Variants in STK40 observed in about 807,000 individuals in gnomAD.
STK40 encodes the protein serine/threonine-protein kinase 40.
STK40 carries 13 observed loss-of-function variants against 47.9 expected under a neutral mutation model. The observed-to-expected ratio is 0.27, with a 90% confidence interval of 0.18 to 0.43. STK40 has a LOEUF of 0.43. STK40 is among the 20% of genes least tolerant of loss of function. STK40 has a pLI of 1.00. For synonymous variants in STK40, 225 were observed against 243.2 expected (o/e 0.93, Z 0.69); for missense variants, 460 against 595.1 (o/e 0.77, Z 2.36).
At chr1:36,348,590 G>A (rs1471856265) in intron 7 of STK40, 110 bp downstream of exon 7, 13 of 936,382 alleles carry the variant, frequency 1.4e-5, no homozygotes, top group Admixed American at 2.0e-5. Flanking sequence ...TGGGCCCCCA[G>A]TGAAGCCCCA....
chr1:36,347,704 G>A (rs1282725872), intron 7 of STK40, among the ~76,000 whole-genome samples: 2 of 150,846 alleles, frequency 1.3e-5, no homozygotes, highest in African/African-American at 2.4e-5. Flanking sequence ...CCAGGCTGGA[G>A]TGCAGTGGCA....
At chr1:36,375,179 T>G (rs768897616) in intron 1 of STK40, among the ~76,000 whole-genome samples, 2 of 152,120 alleles carry the variant, frequency 1.3e-5, no homozygotes, top group Non-Finnish European at 2.9e-5. Context: ...CAGGGCCCAG[T>G]ACATAGGAGG....
rs528832191 is a variant in STK40 at position 36,354,286 on chromosome 1, C to T, written c.623+78G>A. 118 of 1,509,592 alleles carry T rather than the reference C, an allele frequency of 7.8e-5. 2 individuals carry two copies. In the South Asian group the frequency reaches 1.3e-3, roughly 16 times the overall value. 93.5% of individuals were successfully genotyped at this position (1,509,592 alleles called of 1,614,324 possible). A position where few individuals can be genotyped will look rare whatever the true frequency, so the allele number is the denominator to read the frequency against. ...AGTCGGAATCCTCATGAGGACACTT[C>T]AGGGCACTGGAGAGTTGCAATGTGT... On this transcript the variant is annotated intron_variant, in intron 6 of 10. Coordinates refer to ENST00000373132, the MANE Select transcript of STK40 (RefSeq NM_001282547.2).
intron 7 of STK40, among the ~76,000 whole-genome samples, chr1:36,348,481 G>C (rs1032509187): frequency 6.6e-6 from 1 of 152,166 alleles, no homozygotes; most frequent in African/African-American, 2.4e-5. Flanking sequence ...TTCCTCCCTA[G>C]CACTAACCTC....
chr1:36,348,597 C>A, intron 7 of STK40, 103 bp downstream of exon 7: 1 of 1,044,872 alleles, frequency 9.6e-7, no homozygotes, highest in Non-Finnish European at 1.4e-6. Flanking sequence ...CCAGTGAAGC[C>A]CCAGCACCTT....
intron 1 of STK40, among the ~76,000 whole-genome samples, chr1:36,378,959 G>A (rs948789061): frequency 6.6e-6 from 1 of 152,166 alleles, no homozygotes; most frequent in African/African-American, 2.4e-5. Context: ...GGAATGCTGG[G>A]CTACACCAGG....
intron 2 of STK40, among the ~76,000 whole-genome samples, chr1:36,360,348 T>C (rs888636707): frequency 6.6e-6 from 1 of 152,188 alleles, no homozygotes; most frequent in African/African-American, 2.4e-5. Flanking sequence ...TTATGCATCA[T>C]GCAGAAATGC....
intron 1 of STK40, among the ~76,000 whole-genome samples, chr1:36,375,772 G>A (rs1646987132): frequency 6.6e-6 from 1 of 152,122 alleles, no homozygotes; most frequent in Non-Finnish European, 1.5e-5. Flanking sequence ...TGTAATCCCA[G>A]CACTTTGGGA....
At chr1:36,357,652 T>C (rs1182700203) in intron 4 of STK40, among the ~76,000 whole-genome samples, 2 of 152,196 alleles carry the variant, frequency 1.3e-5, no homozygotes, top group Non-Finnish European at 2.9e-5. Flanking sequence ...AGTCTCGCTC[T>C]GTCACCCAGG....
intron 1 of STK40, among the ~76,000 whole-genome samples, chr1:36,377,663 T>C (rs1254402362): frequency 1.3e-5 from 2 of 151,870 alleles, no homozygotes; most frequent in African/African-American, 4.8e-5. Flanking sequence ...TGAGCTTGTG[T>C]GCCAATGCAA....
intron 10 of STK40, 38 bp from the exon 11 acceptor site, chr1:36,342,011 A>C: frequency 6.4e-7 from 1 of 1,566,836 alleles, no homozygotes; most frequent in African/African-American, 1.4e-5. Flanking sequence ...ACAAAGATAA[A>C]CCCAGATGAA....
chr1:36,341,664 G>A lies in STK40; in HGVS notation c.*91C>T. 2 of 1,497,952 alleles carry A rather than the reference G, an allele frequency of 1.3e-6. No homozygotes were observed. 92.8% of individuals were successfully genotyped at this position (1,497,952 alleles called of 1,614,324 possible). On this transcript the variant is annotated 3_prime_UTR_variant, in exon 11 of 11. Coordinates refer to ENST00000373132, the MANE Select transcript of STK40 (RefSeq NM_001282547.2). ...CCTGTCCCTATTGTGGCCCGGGAGA[G>A]TCCAGCACTACAGGGCCCAGCCCTG...
At chr1:36,345,977 A>ATATATG (rs1180015235) in intron 7 of STK40, among the ~76,000 whole-genome samples, 1 of 10,322 alleles carries the variant, frequency 9.7e-5, no homozygotes, top group African/African-American at 2.0e-4. Flanking sequence ...ACATATATAT[A>ATATATG]TATATATATA....
chr1:36,343,551 G>C (rs1283784122), intron 9 of STK40, 103 bp from the exon 10 acceptor site: 3 of 1,148,908 alleles, frequency 2.6e-6, no homozygotes, highest in Admixed American at 4.9e-5. Context: ...CCTGCCATGA[G>C]AGACTGCTTC....
chr1:36,346,120 G>C (rs1256493507), intron 7 of STK40, among the ~76,000 whole-genome samples: 1 of 148,638 alleles, frequency 6.7e-6, no homozygotes, highest in African/African-American at 2.5e-5. Context: ...TCAGCCTCCC[G>C]AGTAGCTGGG....
intron 10 of STK40, 40 bp downstream of exon 10, chr1:36,343,324 T>G (rs894385685): frequency 3.8e-6 from 6 of 1,594,658 alleles, no homozygotes; most frequent in Non-Finnish European, 5.1e-6. Flanking sequence ...AGCCTGTCCC[T>G]TGGGGCTGGG....
chr1:36,360,681 A>G (rs1262731170), intron 2 of STK40, among the ~76,000 whole-genome samples: 2 of 152,106 alleles, frequency 1.3e-5, no homozygotes, highest in Admixed American at 6.6e-5. Context: ...GACTACAGGC[A>G]TGTGACACCA....
intron 2 of STK40, among the ~76,000 whole-genome samples, chr1:36,359,673 C>G (rs186399885): frequency 9.2e-5 from 14 of 152,370 alleles, no homozygotes; most frequent in African/African-American, 2.6e-4. Flanking sequence ...CGAAGCTCCG[C>G]TGCTCTTGGT....
At chr1:36,348,904 A>C (rs2124728686) in intron 6 of STK40, 89 bp from the exon 7 acceptor site, 1 of 1,112,012 alleles carries the variant, frequency 9.0e-7, no homozygotes, top group Non-Finnish European at 1.3e-6. Context: ...CTGGGCCAAC[A>C]CCCAATCCTG....
Sources: gnomAD v4.1 joint callset for allele counts (sites outside exome capture counted in the v4.1 genomes callset) on GRCh38, gnomAD v4.1.1 for gene constraint, MANE v1.5 for transcripts, NCBI Gene and HGNC (gene_info 2026-07-23, HGNC 2026-07-21) for gene names.